DTNB: variants seen among roughly 807,000 people sequenced by gnomAD.
The protein encoded by DTNB is dystrobrevin beta, also known as DTN-B.
DTNB carries 63 observed loss-of-function variants against 90.7 expected under a neutral mutation model. The observed-to-expected ratio is 0.69, with a 90% confidence interval of 0.57 to 0.86. DTNB has a LOEUF of 0.86. Among genes scored for constraint, DTNB ranks in the 40% least tolerant of loss-of-function variants. The pLI, the probability that DTNB is intolerant of heterozygous loss-of-function variation, is 0.00. For missense variants in DTNB, 744 were observed against 807.1 expected (o/e 0.92, Z 0.95); for synonymous variants, 277 against 286.7 (o/e 0.97, Z 0.34).
intron 4 of DTNB, among the ~76,000 whole-genome samples, chr2:25,627,464 C>G (rs571337605): frequency 1.5e-4 from 23 of 151,564 alleles, no homozygotes; most frequent in African/African-American, 4.6e-4. Flanking sequence ...TTTGATGTTA[C>G]AGAGTAAAGA....
chr2:25,562,886 C>T (rs962419415), intron 8 of DTNB, among the ~76,000 whole-genome samples: 7 of 152,156 alleles, frequency 4.6e-5, no homozygotes, highest in South Asian at 2.1e-4. Flanking sequence ...GATCCTCCTG[C>T]GGCCTCCAGA....
intron 7 of DTNB, among the ~76,000 whole-genome samples, chr2:25,577,944 G>A (rs2060959611): frequency 6.6e-6 from 1 of 152,142 alleles, no homozygotes; most frequent in Non-Finnish European, 1.5e-5. Context: ...AGGTTGCAGT[G>A]AGCCAAGATC....
intron 2 of DTNB, among the ~76,000 whole-genome samples, chr2:25,639,960 G>A (rs2077898022): frequency 2.6e-5 from 4 of 152,214 alleles, no homozygotes; most frequent in South Asian, 2.1e-4. Context: ...ACGCGCAGGC[G>A]AGCGAGCCTT....
At chr2:25,549,555 GCTAA>G (rs2083156664) in intron 8 of DTNB, among the ~76,000 whole-genome samples, 2 of 152,004 alleles carry the variant, frequency 1.3e-5, no homozygotes, top group African/African-American at 4.8e-5. Context: ...ATTCCTTGTT[GCTAA>G]CTTTGTTGAC....
Position 25,389,126 on chromosome 2 carries a change from G to A in DTNB, c.1576-765C>T, listed in dbSNP as rs111996240. Among the ~76,000 whole-genome samples, 548 of 152,340 alleles carry A rather than the reference G, an allele frequency of 3.6e-3. 2 individuals carry two copies. Among genetic ancestry groups the A allele is most frequent in the African/African-American group, 0.013 (527 of 41,558 alleles). ...GCCTCCCAAAGTGCTAGGATTACAG[G>A]TGTGAGCCACCATACCAAGCCAGGG... On this transcript the variant is annotated intron_variant, in intron 16 of 20. Coordinates refer to ENST00000406818, the MANE Select transcript of DTNB (RefSeq NM_021907.5).
At position 25,583,138 on chromosome 2, in the gene DTNB, T is replaced by C. The variant is rs546751444; in HGVS notation, c.604-2312A>G. ...GGCGGGTGCCTGTAATCCCAGCTAC[T>C]TGGGAGGCTGAGACAGGATAATGGC... On this transcript the variant is annotated intron_variant, in intron 6 of 20. Coordinates refer to ENST00000406818, the MANE Select transcript of DTNB (RefSeq NM_021907.5). 8.6e-5 allele frequency among the ~76,000 whole-genome samples: 13 copies of C among 151,466 alleles called. No individual in the cohort carries two copies. The East Asian group carries it at 2.5e-3, about 29-fold the overall frequency.
At chr2:25,432,261 T>C (rs944577194) in intron 14 of DTNB, among the ~76,000 whole-genome samples, 4 of 150,478 alleles carry the variant, frequency 2.7e-5, no homozygotes, top group African/African-American at 7.3e-5. Context: ...CTAAGGCTCA[T>C]AGGCAATAAG....
intron 6 of DTNB, among the ~76,000 whole-genome samples, chr2:25,583,552 C>G (rs1572930660): frequency 6.6e-6 from 1 of 151,496 alleles, no homozygotes. Flanking sequence ...GAGTCTCGCT[C>G]TGTTGCCAGG....
chr2:25,535,932 C>G (rs1220270365), intron 8 of DTNB, among the ~76,000 whole-genome samples: 1 of 128,008 alleles, frequency 7.8e-6, no homozygotes, highest in Non-Finnish European at 1.6e-5. Flanking sequence ...CAGGCAGAGG[C>G]GCTTCTCACT....
intron 9 of DTNB, among the ~76,000 whole-genome samples, chr2:25,486,098 G>T (rs771630298): frequency 6.6e-6 from 1 of 150,836 alleles, no homozygotes; most frequent in African/African-American, 2.4e-5. Flanking sequence ...CTCTAGCCTG[G>T]GTGATAGAGC....
At chr2:25,498,603 T>C (rs1333659989) in intron 9 of DTNB, among the ~76,000 whole-genome samples, 2 of 152,078 alleles carry the variant, frequency 1.3e-5, no homozygotes. Context: ...GGGAGCACTC[T>C]GGGAGGCTGA....
chr2:25,544,773 C>G (rs1057446400), intron 8 of DTNB, among the ~76,000 whole-genome samples: 1 of 152,208 alleles, frequency 6.6e-6, no homozygotes, highest in Non-Finnish European at 1.5e-5. Context: ...TATAAGCTCA[C>G]CAAAATTAGT....
At chr2:25,386,245 G>A in intron 18 of DTNB, 1 of 336,550 alleles carries the variant, frequency 3.0e-6, no homozygotes, top group Non-Finnish European at 4.2e-6. Flanking sequence ...AGAGCTGGGG[G>A]CTCTGTCCAG....
intron 4 of DTNB, among the ~76,000 whole-genome samples, chr2:25,618,048 GC>G (rs1308444036): frequency 1.3e-5 from 2 of 152,050 alleles, no homozygotes; most frequent in East Asian, 3.8e-4. Flanking sequence ...AAAAAACTTA[GC>G]TCTTTTCTCT....
At chr2:25,404,545 A>G (rs893026811) in intron 16 of DTNB, among the ~76,000 whole-genome samples, 7 of 152,176 alleles carry the variant, frequency 4.6e-5, no homozygotes, top group African/African-American at 1.7e-4. Flanking sequence ...GAGCAGCTGC[A>G]GAGTTTATTT....
At chr2:25,509,410 C>T (rs1240737827) in intron 9 of DTNB, among the ~76,000 whole-genome samples, 1 of 152,174 alleles carries the variant, frequency 6.6e-6, no homozygotes, top group Non-Finnish European at 1.5e-5. Flanking sequence ...AGATCATTTT[C>T]CTTCTCCTCG....
intron 4 of DTNB, among the ~76,000 whole-genome samples, chr2:25,620,501 T>TA (rs988922392): frequency 2.0e-5 from 3 of 152,102 alleles, no homozygotes; most frequent in Non-Finnish European, 1.5e-5. Context: ...CCCTTTCTTT[T>TA]AAAAAAATAA....
chr2:25,509,463 A>G (rs1377237776), intron 9 of DTNB, among the ~76,000 whole-genome samples: 1 of 152,162 alleles, frequency 6.6e-6, no homozygotes, highest in Non-Finnish European at 1.5e-5. Context: ...TTCCTTTAGT[A>G]GTGAGCATTT....
At chr2:25,498,847 C>CAAAAAAAAAAAAAA (rs34017287) in intron 9 of DTNB, among the ~76,000 whole-genome samples, 1 of 65,024 alleles carries the variant, frequency 1.5e-5, no homozygotes, top group African/African-American at 6.0e-5. Flanking sequence ...AACCCTGTCT[C>CAAAAAAAAAAAAAA]AAAAAAAAAA....
Sources: gnomAD v4.1 joint callset for allele counts (sites outside exome capture counted in the v4.1 genomes callset) on GRCh38, gnomAD v4.1.1 for gene constraint, MANE v1.5 for transcripts, NCBI Gene and HGNC (gene_info 2026-07-23, HGNC 2026-07-21) for gene names.